The following COLEC10 variants were observed in gnomAD, a reference collection of about 807,000 sequenced individuals.
COLEC10 encodes the protein collectin subfamily member 10.
A neutral mutation model predicts 28.4 loss-of-function variants in COLEC10; 22 were observed. The observed-to-expected ratio is 0.78, with a 90% CI of 0.55 to 1.11. COLEC10 has a LOEUF of 1.11. COLEC10 is among the 50% of genes least tolerant of loss of function. COLEC10 has a pLI of 0.00. For synonymous variants in COLEC10, 125 were observed against 116.1 expected (o/e 1.08, Z -0.49); for missense variants, 361 against 344.1 (o/e 1.05, Z -0.39).
the COLEC10 span, among the ~76,000 whole-genome samples, chr8:118,955,863 C>A: frequency 6.6e-6 from 1 of 152,190 alleles, no homozygotes; most frequent in Non-Finnish European, 1.5e-5. Context: ...GGCTAGGTTG[C>A]AGGTGGAAGT....
chr8:118,966,319 G>T, the COLEC10 span, among the ~76,000 whole-genome samples: 1 of 152,056 alleles, frequency 6.6e-6, no homozygotes, highest in Middle Eastern at 3.4e-3. Flanking sequence ...AACATTTTTT[G>T]GAAAAATTTC....
chr8:119,026,056 C>T (rs1563720737), intron 2 of COLEC10, among the ~76,000 whole-genome samples: 1 of 152,184 alleles, frequency 6.6e-6, no homozygotes, highest in African/African-American at 2.4e-5. Context: ...TTGAAACTTT[C>T]TCCTCCCTTG....
chr8:119,054,692 G>T (rs771648393), intron 2 of COLEC10, among the ~76,000 whole-genome samples: 3 of 152,026 alleles, frequency 2.0e-5, no homozygotes, highest in Non-Finnish European at 4.4e-5. Flanking sequence ...CTGGAATGAT[G>T]CCTCTGGAAT....
chr8:119,077,019 A>G (rs1204622828), intron 1 of COLEC10, among the ~76,000 whole-genome samples: 1 of 152,226 alleles, frequency 6.6e-6, no homozygotes, highest in African/African-American at 2.4e-5. Flanking sequence ...CCCTAGCACC[A>G]TGCTTCACTT....
At chr8:118,987,719 A>G in the COLEC10 span, among the ~76,000 whole-genome samples, 1 of 152,172 alleles carries the variant, frequency 6.6e-6, no homozygotes, top group Non-Finnish European at 1.5e-5. Flanking sequence ...GGCAGAATAA[A>G]GATAGATGTA....
At position 119,049,401 on chromosome 8, in the gene COLEC10, C is replaced by CTTTTTTTTTTTTTTT. The variant is rs34885340; in HGVS notation, n.235+39865_235+39879dup. Among the ~76,000 whole-genome samples the CTTTTTTTTTTTTTTT allele has an allele frequency of 1.0e-4, 6 of 60,072 alleles. 1 individual carries two copies. Among genetic ancestry groups the CTTTTTTTTTTTTTTT allele is most frequent in the African/African-American group, 2.9e-4 (4 of 13,636 alleles). 39.4% of individuals were successfully genotyped at this position (60,072 alleles called of 152,430 possible). On this transcript the variant is annotated intron_variant and non_coding_transcript_variant, in intron 2 of 6. Transcript: ENST00000521788. ...TGATGAAGCATAGGTATTTTCTTTT[C>CTTTTTTTTTTTTTTT]TTTTTTTTTTTTTTTTTTTTTTTTT...
intron 2 of COLEC10, among the ~76,000 whole-genome samples, chr8:119,035,189 T>G (rs1017266817): frequency 3.3e-5 from 5 of 152,244 alleles, no homozygotes; most frequent in African/African-American, 1.2e-4. Context: ...TTCTCTCAGA[T>G]ATTATAAAGC....
At chr8:119,019,562 C>T (rs1814056412) in intron 2 of COLEC10, among the ~76,000 whole-genome samples, 3 of 152,128 alleles carry the variant, frequency 2.0e-5, no homozygotes, top group African/African-American at 7.2e-5. Context: ...CCACAGTCAT[C>T]TGCCAAGTTT....
chr8:119,046,079 A>G (rs1375600842), intron 2 of COLEC10, among the ~76,000 whole-genome samples: 1 of 152,172 alleles, frequency 6.6e-6, no homozygotes, highest in East Asian at 1.9e-4. Context: ...CTGTGGCTTA[A>G]CAGTTTGTTT....
the COLEC10 span, among the ~76,000 whole-genome samples, chr8:118,956,012 AC>A: frequency 6.6e-6 from 1 of 152,190 alleles, no homozygotes; most frequent in South Asian, 2.1e-4. Flanking sequence ...TTTATTTCTC[AC>A]AGTTTTGGAG....
the COLEC10 span, among the ~76,000 whole-genome samples, chr8:118,975,192 T>C: frequency 0.071 from 10,850 of 152,084 alleles, 427 homozygotes; most frequent in Non-Finnish European, 0.092. Flanking sequence ...TTTATTAACA[T>C]CCTAACACTA....
At chr8:119,024,029 G>T (rs1416679904) in intron 2 of COLEC10, among the ~76,000 whole-genome samples, 6 of 152,172 alleles carry the variant, frequency 3.9e-5, no homozygotes, top group Admixed American at 3.9e-4. Context: ...TAAGGGCTGG[G>T]AGGTAAAGAG....
intron 2 of COLEC10, among the ~76,000 whole-genome samples, chr8:119,015,130 A>G (rs1000961224): frequency 6.6e-6 from 1 of 150,792 alleles, no homozygotes; most frequent in Non-Finnish European, 1.5e-5. Flanking sequence ...ATGCCTTCTA[A>G]TTTTTTCTTG....
chr8:119,043,825 GA>G (rs1156256922), intron 2 of COLEC10, among the ~76,000 whole-genome samples: 1 of 152,122 alleles, frequency 6.6e-6, no homozygotes, highest in Non-Finnish European at 1.5e-5. Flanking sequence ...TCCTTTAATG[GA>G]TGCAAATACC....
intron 2 of COLEC10, among the ~76,000 whole-genome samples, chr8:119,024,250 A>T (rs1446072513): frequency 6.6e-6 from 1 of 152,116 alleles, no homozygotes; most frequent in Non-Finnish European, 1.5e-5. Context: ...ACATTCCTTG[A>T]GGCCTTCGCT....
intron 2 of COLEC10, among the ~76,000 whole-genome samples, chr8:119,027,871 A>G (rs1383508792): frequency 1.3e-5 from 2 of 152,110 alleles, no homozygotes; most frequent in Non-Finnish European, 2.9e-5. Context: ...ACACTTAACA[A>G]CTTGTATTAT....
At chr8:118,977,757 A>T in the COLEC10 span, among the ~76,000 whole-genome samples, 1 of 149,710 alleles carries the variant, frequency 6.7e-6, no homozygotes, top group South Asian at 2.1e-4. Flanking sequence ...AATAATAAAT[A>T]AATAAATAAA....
intron 2 of COLEC10, among the ~76,000 whole-genome samples, chr8:119,034,339 T>C (rs35617427): frequency 0.67 from 101,804 of 151,348 alleles, 35,989 homozygotes; most frequent in African/African-American, 0.91. Context: ...TGTATACCTA[T>C]GTAACAAACC....
chr8:119,100,223 G>C (rs1815797453), intron 3 of COLEC10, among the ~76,000 whole-genome samples: 1 of 151,972 alleles, frequency 6.6e-6, no homozygotes, highest in Admixed American at 6.6e-5. Flanking sequence ...GAAATGGTTG[G>C]GCTGGAATAT....
Sources: gnomAD v4.1 joint callset for allele counts (sites outside exome capture counted in the v4.1 genomes callset) on GRCh38, gnomAD v4.1.1 for gene constraint, MANE v1.5 for transcripts, NCBI Gene and HGNC (gene_info 2026-07-23, HGNC 2026-07-21) for gene names.